PCDH15: variants seen among roughly 807,000 people sequenced by gnomAD.
PCDH15 encodes protocadherin related 15, also known as protocadherin-15.
In PCDH15, 129 loss-of-function variants were observed where a neutral mutation model predicts 178.5. That is an observed-to-expected ratio of 0.72 (90% CI 0.63 to 0.84). PCDH15 has a LOEUF of 0.84. Among genes scored for constraint, PCDH15 ranks in the 40% least tolerant of loss-of-function variants. The pLI, the probability that PCDH15 is intolerant of heterozygous loss-of-function variation, is 0.00. For synonymous variants in PCDH15, 800 were observed against 732.0 expected (o/e 1.09, Z -1.50); for missense variants, 2,230 against 2,099.9 (o/e 1.06, Z -1.21).
intron 14 of PCDH15, among the ~76,000 whole-genome samples, chr10:54,148,371 T>C (rs2044193346): frequency 6.6e-6 from 1 of 152,052 alleles, no homozygotes; most frequent in South Asian, 2.1e-4. Flanking sequence ...ACAGTATTTG[T>C]ATATAATCTA....
chr10:55,189,501 A>C (rs1318989928), intron 1 of PCDH15, among the ~76,000 whole-genome samples: 2 of 151,864 alleles, frequency 1.3e-5, no homozygotes, highest in Non-Finnish European at 2.9e-5. Context: ...AGACCAGCTG[A>C]TACAAAATGT....
At chr10:54,593,307 G>A (rs1164681753) in intron 2 of PCDH15, among the ~76,000 whole-genome samples, 1 of 152,030 alleles carries the variant, frequency 6.6e-6, no homozygotes, top group Non-Finnish European at 1.5e-5. Context: ...ACAGTTTCAA[G>A]TCTTATGTTT....
chr10:55,082,075 G>C (rs747977069), intron 2 of PCDH15, among the ~76,000 whole-genome samples: 1 of 152,060 alleles, frequency 6.6e-6, no homozygotes, highest in Non-Finnish European at 1.5e-5. Flanking sequence ...AGACCAAATG[G>C]ACCTAACAGA....
At position 55,235,112 on chromosome 10, in the gene PCDH15, A is replaced by T. The variant is rs192084581; in HGVS notation, c.-155-68461T>A. Reference sequence around the variant, plus strand: ...GAAAAAATAAGGAGTTTGGCATTTTAACCAAATTTTAAAATATATCAATTT... The same window carrying T: ...GAAAAAATAAGGAGTTTGGCATTTTTACCAAATTTTAAAATATATCAATTT... On this transcript the variant is annotated intron_variant, in intron 1 of 5. Transcript: ENST00000458638. 3.3e-5 allele frequency among the ~76,000 whole-genome samples: 5 copies of T among 152,236 alleles called. No individual in the cohort carries two copies. In the East Asian group the frequency reaches 7.7e-4, roughly 24 times the overall value.
chr10:54,684,340 T>C (rs1362094086), intron 1 of PCDH15, among the ~76,000 whole-genome samples: 1 of 151,838 alleles, frequency 6.6e-6, no homozygotes, highest in Non-Finnish European at 1.5e-5. Context: ...AAAATCATAT[T>C]TATAAACTAA....
chr10:54,155,562 A>C (rs1028475585), intron 13 of PCDH15, among the ~76,000 whole-genome samples: 1 of 152,202 alleles, frequency 6.6e-6, no homozygotes, highest in African/African-American at 2.4e-5. Context: ...GCTAACAAAG[A>C]TATTTTAAGG....
intron 3 of PCDH15, among the ~76,000 whole-genome samples, chr10:54,821,719 TTGTTGTTATCAACA>T (rs1953044292): frequency 6.6e-6 from 1 of 152,146 alleles, no homozygotes. Context: ...TATCTTTTTG[TTGTTGTTATCAACA>T]GCTCAGAATT....
chr10:53,851,931 T>C (rs923106251), intron 28 of PCDH15, among the ~76,000 whole-genome samples: 1 of 151,562 alleles, frequency 6.6e-6, no homozygotes. Flanking sequence ...TCAGTAAAGC[T>C]CTACTATAAT....
intron 8 of PCDH15, among the ~76,000 whole-genome samples, chr10:54,238,760 C>A (rs1020789004): frequency 6.7e-6 from 1 of 149,030 alleles, no homozygotes; most frequent in African/African-American, 2.5e-5. Flanking sequence ...TGTATTTCTC[C>A]CTAAACTGAA....
intron 1 of PCDH15, among the ~76,000 whole-genome samples, chr10:55,316,433 C>G (rs1020699067): frequency 6.6e-6 from 1 of 152,098 alleles, no homozygotes. Context: ...ATGTTTATAT[C>G]AGTTCTTAAT....
intron 2 of PCDH15, among the ~76,000 whole-genome samples, chr10:55,081,013 C>T (rs902677435): frequency 3.3e-5 from 5 of 152,108 alleles, no homozygotes; most frequent in Admixed American, 2.0e-4. Context: ...CTTTTCATAG[C>T]CCCAGACAAG....
intron 3 of PCDH15, among the ~76,000 whole-genome samples, chr10:54,451,164 A>G (rs2076455751): frequency 1.3e-5 from 2 of 151,936 alleles, no homozygotes; most frequent in Non-Finnish European, 2.9e-5. Context: ...GAAAAACAGC[A>G]TTAAATCAGG....
chr10:55,203,214 AG>A (rs2132161094), intron 1 of PCDH15, among the ~76,000 whole-genome samples: 1 of 152,144 alleles, frequency 6.6e-6, no homozygotes, highest in South Asian at 2.1e-4. Context: ...TCAGCTCTGT[AG>A]GGCTTCTCTT....
intron 28 of PCDH15, among the ~76,000 whole-genome samples, chr10:53,853,114 T>C (rs1303062296): frequency 1.3e-5 from 2 of 151,760 alleles, no homozygotes; most frequent in Non-Finnish European, 1.5e-5. Flanking sequence ...TTAAGAAAAC[T>C]CTAAATTTAC....
At chr10:54,762,290 A>G (rs1285192926) in intron 1 of PCDH15, among the ~76,000 whole-genome samples, 3 of 152,158 alleles carry the variant, frequency 2.0e-5, no homozygotes, top group Non-Finnish European at 4.4e-5. Context: ...AATTTGCTGG[A>G]GATATTAGCA....
At chr10:55,192,305 C>A (rs1490144722) in intron 1 of PCDH15, among the ~76,000 whole-genome samples, 3 of 151,598 alleles carry the variant, frequency 2.0e-5, no homozygotes, top group African/African-American at 7.3e-5. Context: ...TGTTATGAGA[C>A]TATTTATAAA....
chr10:55,073,338 A>G (rs1841800580), intron 2 of PCDH15, among the ~76,000 whole-genome samples: 1 of 152,108 alleles, frequency 6.6e-6, no homozygotes, highest in African/African-American at 2.4e-5. Context: ...ATGATTGTAT[A>G]TCTAGAAAAC....
At chr10:54,815,700 CAA>C (rs1231464956) in intron 3 of PCDH15, among the ~76,000 whole-genome samples, 1 of 152,038 alleles carries the variant, frequency 6.6e-6, no homozygotes, top group Non-Finnish European at 1.5e-5. Context: ...TCCCAGGCAA[CAA>C]AGTCATGCCA....
In PCDH15 at chr10:54,242,130, TTATATATATATATATATATATA is replaced by T. The variant is rs57729172; in HGVS notation, c.877-5221_877-5200del. The stretch of plus-strand genomic sequence containing the variant: ...TGAACTTTTGGTCTGAATTCTATTT[TTATATATATATATATATATATA>T]TATATATATATATATATATATATAT... On this transcript the variant is annotated intron_variant, in intron 8 of 37. Coordinates refer to ENST00000644397, the MANE Select transcript of PCDH15 (RefSeq NM_001384140.1). Among the ~76,000 whole-genome samples the T allele has an allele frequency of 7.9e-3, 251 of 31,700 alleles. 7 individuals are homozygous for T. Among genetic ancestry groups the T allele is most frequent in the Admixed American group, 0.028 (73 of 2,578 alleles). The allele number at this position is 31,700 out of a possible 152,430, so 20.8% of individuals were successfully genotyped here. A position where few individuals can be genotyped will look rare whatever the true frequency, so the allele number is the denominator to read the frequency against.
Sources: allele counts gnomAD v4.1 joint callset (sites outside exome capture counted in the v4.1 genomes callset), GRCh38; gene constraint gnomAD v4.1.1; transcripts MANE v1.5; gene names NCBI Gene and HGNC (gene_info 2026-07-23, HGNC 2026-07-21).